Variants in RNF40 observed in about 807,000 individuals in gnomAD.
RNF40 encodes the protein ring finger protein 40.
A neutral mutation model predicts 123.3 loss-of-function variants in RNF40; 39 were observed. The ratio of observed to expected loss-of-function variants is 0.32; its 90% CI spans 0.24 to 0.41. The LOEUF (loss-of-function observed/expected upper bound fraction) is 0.41, where lower values mean the gene tolerates loss of function less well. Among genes scored for constraint, RNF40 ranks in the 10% least tolerant of loss-of-function variants. RNF40 has a pLI of 1.00. For synonymous variants in RNF40, 538 were observed against 526.0 expected (o/e 1.02, Z -0.31); for missense variants, 1,003 against 1,319.9 (o/e 0.76, Z 3.72).
upstream of RNF40, chr16:30,762,269 C>A: frequency 2.3e-6 from 1 of 437,548 alleles, no homozygotes; most frequent in East Asian, 3.9e-5. Flanking sequence ...CTGCGCCCTG[C>A]GCACCGTTGG....
chr16:30,770,574 C>T (rs901548769), intron 17 of RNF40, among the ~76,000 whole-genome samples: 10 of 152,170 alleles, frequency 6.6e-5, no homozygotes, highest in African/African-American at 2.4e-5. Flanking sequence ...GGATGATGTT[C>T]TTTGTCACAT....
At position 30,765,068 on chromosome 16, in the gene RNF40, C is replaced by T. The variant is rs2151327530; in HGVS notation, c.771+9C>T. 6.2e-7 allele frequency: 1 copy of T among 1,613,538 alleles called. No individual in the cohort carries two copies. Among genetic ancestry groups the T allele is most frequent in the Non-Finnish European group, 8.5e-7 (1 of 1,179,664 alleles). On this transcript the variant is annotated intron_variant, in intron 6 of 19. Coordinates refer to ENST00000324685, the MANE Select transcript of RNF40 (RefSeq NM_014771.4). Reference sequence around the variant, plus strand: ...ACCGCATCTCATTGGAGGTGAGGAGCCGGGGGCTTTGGGGGTGTGATTAGA... The same window carrying T: ...ACCGCATCTCATTGGAGGTGAGGAGTCGGGGGCTTTGGGGGTGTGATTAGA...
intron 17 of RNF40, among the ~76,000 whole-genome samples, chr16:30,771,175 CAGTA>C (rs758988264): frequency 1.7e-4 from 26 of 152,120 alleles, no homozygotes; most frequent in Non-Finnish European, 3.5e-4. Context: ...GTGCATGTCA[CAGTA>C]AGCCTTGTGC....
rs774693175 is a variant in RNF40, at chr16:30,764,964, G to A, written c.676G>A (p.Ala226Thr). 37 of 1,612,550 alleles carry A rather than the reference G, an allele frequency of 2.3e-5. No individual in the cohort carries two copies. The highest frequency in any genetic ancestry group is 3.1e-5 in the Non-Finnish European group (36 of 1,180,002). ...RGDSEPLSEA[A>T]QAHTRELGRE... ...GGACAGTGAGCCCCTCAGTGAGGCG[G>A]CTCAGGCACACACCCGAGAGCTGGG... Residue 226 changes from alanine to threonine, a missense_variant, in exon 6 of 20, where the codon GCT becomes ACT. Coordinates refer to ENST00000324685, the MANE Select transcript of RNF40 (RefSeq NM_014771.4).
rs200919051 is a variant in RNF40 at position 30,765,070 on chromosome 16, G to A, written c.771+11G>A. The A allele has an allele frequency of 9.3e-5, 150 of 1,612,922 alleles. 1 individual carries two copies. In the African/African-American group the frequency reaches 1.7e-3, roughly 18 times the overall value. On this transcript the variant is annotated intron_variant, in intron 6 of 19. Transcript: ENST00000324685. Reference sequence around the variant, plus strand: ...CGCATCTCATTGGAGGTGAGGAGCCGGGGGCTTTGGGGGTGTGATTAGAAT... The same window carrying A: ...CGCATCTCATTGGAGGTGAGGAGCCAGGGGCTTTGGGGGTGTGATTAGAAT...
At position 30,770,181 on chromosome 16, in the gene RNF40, A is replaced by G. The variant is rs927880153; in HGVS notation, c.2586+581A>G. On this transcript the variant is annotated intron_variant, in intron 17 of 19. Transcript: ENST00000324685. ...GAGTGCAGTGGTGCGATCTCGGCTC[A>G]CTGCAACCTCCGCCTCCCAGGTTCA... Among the ~76,000 whole-genome samples the G allele has an allele frequency of 6.0e-5, 8 of 134,234 alleles. No individual in the cohort carries two copies. The Admixed American group carries it at 6.3e-4, about 11-fold the overall frequency. 88.1% of individuals were successfully genotyped at this position (134,234 alleles called of 152,430 possible). A position where few individuals can be genotyped will look rare whatever the true frequency, so the allele number is the denominator to read the frequency against.
At chr16:30,772,415 G>T in intron 19 of RNF40, 1 of 622,204 alleles carries the variant, frequency 1.6e-6, no homozygotes, top group South Asian at 1.7e-5. Flanking sequence ...CCTGGTCTCT[G>T]ACTTCTTGAA....
chr16:30,767,466 A>G (rs1171155243), intron 11 of RNF40, among the ~76,000 whole-genome samples: 1 of 152,068 alleles, frequency 6.6e-6, no homozygotes, highest in African/African-American at 2.4e-5. Flanking sequence ...TGAATGTTAC[A>G]GTTACCTTCT....
chr16:30,771,097 C>G (rs1410698362), intron 17 of RNF40, among the ~76,000 whole-genome samples: 1 of 152,196 alleles, frequency 6.6e-6, no homozygotes, highest in Non-Finnish European at 1.5e-5. Context: ...AGGTCCCTGC[C>G]TTCCAGTCAA....
rs61754473 is a variant in RNF40, at chr16:30,772,145, C to T, written c.2784C>T (p.Tyr928=). ...KLEKQRKVEV[Y]ADADEILQEE... ...AAAAGCAGAGGAAGGTGGAGGTCTA[C>T]GCAGATGCCGACGAAATCCTCCAGG... The change falls in exon 19 of 20, where the codon TAC becomes TAT. Residue 928 remains tyrosine (Y), a synonymous_variant. Transcript: ENST00000324685. The T allele has an allele frequency of 4.5e-4, 696 of 1,554,124 alleles. 4 individuals carry two copies. The African/African-American group carries it at 7.8e-3, about 17-fold the overall frequency.
At chr16:30,762,804 A>G (rs976516260) in intron 2 of RNF40, 127 bp downstream of exon 2, 6 of 1,225,204 alleles carry the variant, frequency 4.9e-6, no homozygotes, top group Non-Finnish European at 6.9e-6. Context: ...GGACCTTGAA[A>G]GAAAGGTTAG....
At chr16:30,762,994 C>G in intron 2 of RNF40, 124 bp from the exon 3 acceptor site, 1 of 1,070,450 alleles carries the variant, frequency 9.3e-7, no homozygotes, top group Non-Finnish European at 1.3e-6. Flanking sequence ...ATTCTGTTAG[C>G]GGTTAGTGTG....
chr16:30,763,401 A>G lies in RNF40; in HGVS notation c.301-17A>G. On this transcript the variant is annotated splice_polypyrimidine_tract_variant and intron_variant, in intron 3 of 19. Transcript: ENST00000324685. ...CACTAAGGGATTCATAACATTTTTG[A>G]TGTTTTCTCCTTCCAGCTGGATGAA... 1 of 1,598,090 alleles carries G rather than the reference A, an allele frequency of 6.3e-7. No homozygotes were observed. Among genetic ancestry groups the G allele is most frequent in the Non-Finnish European group, 8.5e-7 (1 of 1,171,666 alleles).
rs2151332167 is a variant in RNF40 at position 30,769,516 on chromosome 16, G to A, written c.2502G>A (p.Lys834=). Residue 834 remains lysine (K), a synonymous_variant, in exon 17 of 20, where the codon AAG becomes AAA. Transcript: ENST00000324685. The part of the protein sequence containing the change: ...QLLTVQKLEE[K]ERALQGSLGG... ...TGACTGTGCAGAAGCTAGAGGAGAA[G>A]GAGCGAGCCTTGCAGGGCAGCCTCG... The A allele has an allele frequency of 1.2e-6, 2 of 1,613,390 alleles. No individual in the cohort carries two copies. The highest frequency in any genetic ancestry group is 1.1e-5 in the South Asian group (1 of 91,028).
chr16:30,769,544 G>C lies in RNF40; in HGVS notation c.2530G>C (p.Gly844Arg). The change falls in exon 17 of 20, where the codon GGT (glycine) becomes CGT (arginine). Residue 844 changes from glycine (G) to arginine (R), a missense_variant. Physicochemically the swap from Gly to Arg is moderately radical, Grantham distance 125. This residue lies in a region of RNF40 where 121 missense variants were observed against 125.3 expected (regional missense o/e 0.97). Transcript: ENST00000324685. The part of the protein sequence containing the change: ...KERALQGSLG[G>R]VEKELTLRSQ... The stretch of plus-strand genomic sequence containing the variant: ...GCGAGCCTTGCAGGGCAGCCTCGGG[G>C]GTGTGGAGAAGGAGCTGACGCTGCG... The C allele has an allele frequency of 6.2e-7, 1 of 1,611,944 alleles. No homozygotes were observed. The highest frequency in any genetic ancestry group is 8.5e-7 in the Non-Finnish European group (1 of 1,178,788).
chr16:30,769,461 C>T lies in RNF40; in HGVS notation c.2461-14C>T, dbSNP rs372098723. 14 of 1,613,848 alleles carry T rather than the reference C, an allele frequency of 8.7e-6. No individual in the cohort carries two copies. The African/African-American group carries it at 1.3e-4, about 15-fold the overall frequency. On this transcript the variant is annotated splice_polypyrimidine_tract_variant and intron_variant, in intron 16 of 19. Transcript: ENST00000324685. ...GGTGGGGGTCATGGCCCTGAGTCCT[C>T]CTCTGGTCCTTAGGTGGATGCCCAG...
Position 30,769,402 on chromosome 16 carries a change from T to C in RNF40, c.2460+4T>C. ...GGTCCTTGGCCTCAAGTCCCAGGTA[T>C]GGCCGCCGCCAGCTTGCAGACTGGA... is the stretch of plus-strand genomic sequence containing the variant. On this transcript the variant is annotated splice_donor_region_variant and intron_variant, in intron 16 of 19. Transcript: ENST00000324685. The C allele has an allele frequency of 1.2e-6, 2 of 1,613,716 alleles. No individual in the cohort carries two copies. Among genetic ancestry groups the C allele is most frequent in the Non-Finnish European group, 8.5e-7 (1 of 1,179,618 alleles).
intron 11 of RNF40, among the ~76,000 whole-genome samples, chr16:30,767,346 G>A (rs2054052961): frequency 6.6e-6 from 1 of 152,176 alleles, no homozygotes; most frequent in Non-Finnish European, 1.5e-5. Context: ...AAGCAGAAAA[G>A]GAAGATAGGA....
At position 30,769,957 on chromosome 16, in the gene RNF40, G is replaced by A. The variant is rs535790676; in HGVS notation, c.2586+357G>A. Among the ~76,000 whole-genome samples, 9 of 151,942 alleles carry A rather than the reference G, an allele frequency of 5.9e-5. No homozygotes were observed. The East Asian group carries it at 1.8e-3, about 30-fold the overall frequency. ...TACAAAAAAATTTTAAAATTAGCTG[G>A]GTGTGCTGGTGCACGCCTGTAGTCC... is the stretch of plus-strand genomic sequence containing the variant. On this transcript the variant is annotated intron_variant, in intron 17 of 19. Coordinates refer to ENST00000324685, the MANE Select transcript of RNF40 (RefSeq NM_014771.4).
Sources: allele counts gnomAD v4.1 joint callset (sites outside exome capture counted in the v4.1 genomes callset), GRCh38; gene constraint gnomAD v4.1.1; regional missense constraint gnomAD v4.1.1; transcripts MANE v1.5; gene names NCBI Gene and HGNC (gene_info 2026-07-23, HGNC 2026-07-21).